The following CRYBB2 variants were observed in gnomAD, a reference collection of about 807,000 sequenced individuals.
The protein encoded by CRYBB2 is beta-crystallin B2.
In CRYBB2, 12 loss-of-function variants were observed where a neutral mutation model predicts 24.3. The ratio of observed to expected loss-of-function variants is 0.49; its 90% CI spans 0.32 to 0.80. The LOEUF (loss-of-function observed/expected upper bound fraction) is 0.80. CRYBB2 is among the 30% of genes least tolerant of loss of function. CRYBB2 has a pLI of 0.04. For synonymous variants in CRYBB2, 98 were observed against 101.6 expected (o/e 0.96, Z 0.21); for missense variants, 198 against 268.5 (o/e 0.74, Z 1.83).
At chr22:25,226,188 GT>G (rs2146090992) in intron 3 of CRYBB2, among the ~76,000 whole-genome samples, 1 of 151,874 alleles carries the variant, frequency 6.6e-6, no homozygotes, top group South Asian at 2.1e-4. Flanking sequence ...GTGTGTGTGT[GT>G]GTGTGTGTGT....
At chr22:25,218,697 A>G (rs1187665662), upstream of CRYBB2, among the ~76,000 whole-genome samples, 3 of 61,646 alleles carry the variant, frequency 4.9e-5, no homozygotes, top group African/African-American at 2.6e-4. Context: ...AGAAAGAGAG[A>G]GAGAGAGGGG....
In CRYBB2 at chr22:25,229,457, A is replaced by C. The variant is rs756786417; in HGVS notation, c.328A>C (p.Ile110Leu). The change falls in exon 5 of 6, where the codon ATC becomes CTC. Residue 110 changes from isoleucine to leucine, a missense_variant. Transcript: ENST00000398215. The part of the protein sequence containing the change: ...IKVDSQEHKI[I>L]LYENPNFTGK... ...ATAGGACAGCCAAGAGCACAAGATC[A>C]TCCTCTATGAAAACCCCAACTTCAC... is the stretch of plus-strand genomic sequence containing the variant. 1 of 1,612,292 alleles carries C rather than the reference A, an allele frequency of 6.2e-7. No homozygotes were observed. The highest frequency in any genetic ancestry group is 1.1e-5 in the South Asian group (1 of 90,776).
At chr22:25,218,061 C>G (rs1182420874), upstream of CRYBB2, among the ~76,000 whole-genome samples, 1 of 150,990 alleles carries the variant, frequency 6.6e-6, no homozygotes, top group Non-Finnish European at 1.5e-5. Flanking sequence ...AGATCGAGAC[C>G]ATCCTGGCTA....
upstream of CRYBB2, among the ~76,000 whole-genome samples, chr22:25,218,820 A>AAGAAAAAG: frequency 1.1e-5 from 1 of 91,156 alleles, no homozygotes; most frequent in African/African-American, 5.3e-5. Flanking sequence ...GAAAGAAAGA[A>AAGAAAAAG]AGAAAGAAAG....
chr22:25,221,726 C>G (rs1379480351), intron 2 of CRYBB2, among the ~76,000 whole-genome samples: 2 of 152,216 alleles, frequency 1.3e-5, no homozygotes, highest in African/African-American at 4.8e-5. Flanking sequence ...GTTTCTCTCT[C>G]CCTTACCTGT....
At chr22:25,227,036 T>G (rs1935430637) in intron 3 of CRYBB2, among the ~76,000 whole-genome samples, 1 of 152,230 alleles carries the variant, frequency 6.6e-6, no homozygotes, top group East Asian at 1.9e-4. Flanking sequence ...AAGACTACTC[T>G]TCCAAAAGAG....
At chr22:25,228,631 C>A (rs932128341) in intron 4 of CRYBB2, among the ~76,000 whole-genome samples, 1 of 152,200 alleles carries the variant, frequency 6.6e-6, no homozygotes. Flanking sequence ...TTGGGGAACA[C>A]GGGACTTGGC....
chr22:25,219,779 T>G (rs548410816), intron 1 of CRYBB2, 113 bp downstream of exon 1: 1 of 152,258 alleles, frequency 6.6e-6, no homozygotes, highest in Non-Finnish European at 1.5e-5. Flanking sequence ...ACTTCAATGC[T>G]GTTAGCCTCA....
In CRYBB2 at chr22:25,225,024, T is replaced by G. The variant is rs1555888762; in HGVS notation, c.161T>G (p.Val54Gly). ...GTGGAGAAGGCAGGTTCTGTCCTAG[T>G]GCAGGCTGGACCGTAAGTACCTGGG... ...TGVEKAGSVL[V>G]QAGPWVGYEQ... Residue 54 changes from valine to glycine, a missense_variant, in exon 3 of 6, where the codon GTG becomes GGG. Val to Gly is a moderately radical substitution (Grantham distance 109). Coordinates refer to ENST00000398215, the MANE Select transcript of CRYBB2 (RefSeq NM_000496.3). 1 of 1,598,876 alleles carries G rather than the reference T, an allele frequency of 6.3e-7. No individual in the cohort carries two copies. The highest frequency in any genetic ancestry group is 8.6e-7 in the Non-Finnish European group (1 of 1,166,030).
intron 2 of CRYBB2, among the ~76,000 whole-genome samples, 170 bp from the exon 3 acceptor site, chr22:25,224,748 C>T (rs1002201951): frequency 1.3e-5 from 2 of 152,166 alleles, no homozygotes; most frequent in Admixed American, 6.6e-5. Flanking sequence ...CAAGGTCCCA[C>T]GGCTGCTTAT....
upstream of CRYBB2, among the ~76,000 whole-genome samples, chr22:25,218,779 G>GAAGAAAGAAAGAAAGAAAGA (rs1168197356): frequency 1.2e-3 from 42 of 34,520 alleles, 1 homozygote; most frequent in East Asian, 2.1e-3. Context: ...GAGAGAGAGA[G>GAAGAAAGAAAGAAAGAAAGA]AAGAAAGAAA....
chr22:25,220,830 G>A (rs1213662082), intron 1 of CRYBB2, among the ~76,000 whole-genome samples: 1 of 152,124 alleles, frequency 6.6e-6, no homozygotes, highest in Non-Finnish European at 1.5e-5. Context: ...TGTAATGTGG[G>A]TTCTGTATCA....
At chr22:25,220,369 G>A (rs546992343) in intron 1 of CRYBB2, among the ~76,000 whole-genome samples, 12 of 152,306 alleles carry the variant, frequency 7.9e-5, no homozygotes, top group Non-Finnish European at 1.5e-4. Context: ...GATGAGACCT[G>A]CCCAGAGTCT....
intron 1 of CRYBB2, among the ~76,000 whole-genome samples, chr22:25,221,135 G>T (rs1420629351): frequency 6.6e-6 from 1 of 152,168 alleles, no homozygotes; most frequent in South Asian, 2.1e-4. Flanking sequence ...AACCCACTTT[G>T]GACCTCATTT....
At chr22:25,226,094 C>CA (rs1443966941) in intron 3 of CRYBB2, among the ~76,000 whole-genome samples, 2 of 151,370 alleles carry the variant, frequency 1.3e-5, no homozygotes, top group East Asian at 3.9e-4. Context: ...TGGTTTAAGG[C>CA]AAAAAACCGT....
chr22:25,229,506 A>G lies in CRYBB2; in HGVS notation c.377A>G (p.Asp126Gly). The G allele has an allele frequency of 6.2e-7, 1 of 1,614,176 alleles. No individual in the cohort carries two copies. Among genetic ancestry groups the G allele is most frequent in the Non-Finnish European group, 8.5e-7 (1 of 1,180,024 alleles). The change falls in exon 5 of 6, where the codon GAT (aspartate) becomes GGT (glycine). Residue 126 changes from aspartate (D) to glycine (G), a missense_variant. Transcript: ENST00000398215. The stretch of plus-strand genomic sequence containing the variant: ...ACCGGGAAGAAGATGGAAATCATAG[A>G]TGACGATGTACCCAGCTTCCACGCC... ...NFTGKKMEII[D>G]DDVPSFHAHG...
At chr22:25,219,563 G>T (rs1935285123), upstream of CRYBB2, 2 of 152,286 alleles carry the variant, frequency 1.3e-5, no homozygotes, top group Admixed American at 1.3e-4. Context: ...CTTTTCGCAG[G>T]AGCACAGCGG....
At chr22:25,228,599 C>T (rs1935464770) in intron 4 of CRYBB2, among the ~76,000 whole-genome samples, 1 of 152,178 alleles carries the variant, frequency 6.6e-6, no homozygotes, top group South Asian at 2.1e-4. Flanking sequence ...CAGTCTAGCT[C>T]CTCCCAGGAC....
At chr22:25,221,105 G>A (rs111958797) in intron 1 of CRYBB2, among the ~76,000 whole-genome samples, 7 of 152,328 alleles carry the variant, frequency 4.6e-5, no homozygotes, top group African/African-American at 1.7e-4. Flanking sequence ...GGTATCCATT[G>A]TCTGGGGTTG....
Sources: allele counts gnomAD v4.1 joint callset (sites outside exome capture counted in the v4.1 genomes callset), GRCh38; gene constraint gnomAD v4.1.1; transcripts MANE v1.5; gene names NCBI Gene and HGNC (gene_info 2026-07-23, HGNC 2026-07-21).